The following MYO16 variants were observed in gnomAD, a reference collection of about 807,000 sequenced individuals.
MYO16 encodes myosin XVI, also known as unconventional myosin-XVI.
MYO16 carries 94 observed loss-of-function variants against 205.3 expected under a neutral mutation model. That is an observed-to-expected ratio of 0.46 (90% CI 0.39 to 0.54). The LOEUF (loss-of-function observed/expected upper bound fraction) is 0.54, where lower values mean the gene tolerates loss of function less well. Among genes scored for constraint, MYO16 ranks in the 20% least tolerant of loss-of-function variants. The pLI is 0.00. For synonymous variants in MYO16, 988 were observed against 954.0 expected, an observed-to-expected ratio of 1.04 and a Z score of -0.66; for missense variants, 2,315 against 2,387.5, an observed-to-expected ratio of 0.97 and a Z score of 0.63.
At chr13:109,107,834 TTA>T (rs1397902416) in intron 28 of MYO16, among the ~76,000 whole-genome samples, 2 of 148,448 alleles carry the variant, frequency 1.3e-5, no homozygotes, top group Non-Finnish European at 3.0e-5. Flanking sequence ...TTATATTATA[TTA>T]TATTATATGT....
chr13:109,204,847 C>T (rs925847450), intron 34 of MYO16, among the ~76,000 whole-genome samples: 65 of 152,086 alleles, frequency 4.3e-4, no homozygotes, highest in Admixed American at 5.2e-4. Flanking sequence ...TAAGAGCTGA[C>T]GAGTTAATGC....
At chr13:108,705,196 A>G (rs538190015) in intron 2 of MYO16, among the ~76,000 whole-genome samples, 15 of 152,318 alleles carry the variant, frequency 9.8e-5, no homozygotes, top group African/African-American at 3.6e-4. Context: ...CATCTGGGAC[A>G]TGAATCAACT....
At chr13:108,519,031 C>T in the MYO16 span, among the ~76,000 whole-genome samples, 1 of 152,010 alleles carries the variant, frequency 6.6e-6, no homozygotes, top group Non-Finnish European at 1.5e-5. Context: ...CAACTTTAAG[C>T]ATCTTGGAAT....
At chr13:108,538,807 A>C in the MYO16 span, among the ~76,000 whole-genome samples, 405 of 152,202 alleles carry the variant, frequency 2.7e-3, 2 homozygotes, top group African/African-American at 9.0e-3. Flanking sequence ...AAATTCTCAC[A>C]TGGCACTCTA....
At chr13:108,603,888 G>A (rs1304438051) in intron 1 of MYO16, among the ~76,000 whole-genome samples, 1 of 152,044 alleles carries the variant, frequency 6.6e-6, no homozygotes, top group Non-Finnish European at 1.5e-5. Context: ...TATATTGAGT[G>A]CCTGTATTAG....
chr13:108,653,023 A>G (rs1055589577), intron 1 of MYO16, among the ~76,000 whole-genome samples: 3 of 152,172 alleles, frequency 2.0e-5, no homozygotes, highest in Admixed American at 6.5e-5. Context: ...AAGTGTTACA[A>G]TTTCTCTACA....
intron 9 of MYO16, among the ~76,000 whole-genome samples, chr13:108,826,461 A>C (rs1244898002): frequency 6.6e-6 from 1 of 152,144 alleles, no homozygotes; most frequent in Non-Finnish European, 1.5e-5. Flanking sequence ...TAAAACTATA[A>C]AACTCTCTTT....
At chr13:108,717,809 C>G (rs964619050) in intron 3 of MYO16, among the ~76,000 whole-genome samples, 1 of 151,982 alleles carries the variant, frequency 6.6e-6, no homozygotes, top group African/African-American at 2.4e-5. Flanking sequence ...AAGAAATTTT[C>G]AACAGTGACT....
intron 2 of MYO16, among the ~76,000 whole-genome samples, chr13:108,685,273 G>A (rs772472671): frequency 6.6e-6 from 1 of 151,986 alleles, no homozygotes; most frequent in Non-Finnish European, 1.5e-5. Flanking sequence ...CACCTGCCTC[G>A]GCCTCCCAAA....
chr13:108,498,451 A>G, the MYO16 span, among the ~76,000 whole-genome samples: 1 of 152,182 alleles, frequency 6.6e-6, no homozygotes, highest in Admixed American at 6.6e-5. Context: ...AGGGCTGGCC[A>G]GTGAAACCTA....
rs567504599 is a variant in MYO16 at position 109,048,473 on chromosome 13, T to C, written c.2872+1482T>C. On this transcript the variant is annotated intron_variant, in intron 24 of 34. Coordinates refer to ENST00000457511, the MANE Select transcript of MYO16 (RefSeq NM_001198950.3). ...GACCTTGTGCACCATAAGATCCTTG[T>C]TGCAGTTACTCACCTCTGCTGTTAT... 3 of 543,016 alleles carry C rather than the reference T, an allele frequency of 5.5e-6. No homozygotes were observed. The South Asian group carries it at 9.3e-5, about 17-fold the overall frequency. The allele number at this position is 543,016 out of a possible 1,614,324, so 33.6% of individuals were successfully genotyped here.
chr13:108,498,955 A>G, the MYO16 span, among the ~76,000 whole-genome samples: 1 of 152,162 alleles, frequency 6.6e-6, no homozygotes. Context: ...AGGCAAAATT[A>G]GGGGTTCCTC....
At chr13:109,060,047 A>G (rs902529247) in intron 27 of MYO16, among the ~76,000 whole-genome samples, 25 of 152,296 alleles carry the variant, frequency 1.6e-4, no homozygotes, top group African/African-American at 6.0e-4. Context: ...GGCAGTGTAA[A>G]TTAGTTCAAC....
At chr13:108,585,092 A>G in the MYO16 span, among the ~76,000 whole-genome samples, 3 of 152,280 alleles carry the variant, frequency 2.0e-5, no homozygotes, top group East Asian at 5.8e-4. Context: ...TAACTCTTAG[A>G]TTTTGTTGAC....
intron 23 of MYO16, 88 bp downstream of exon 23, chr13:109,019,999 T>A: frequency 1.5e-6 from 2 of 1,319,186 alleles, no homozygotes; most frequent in South Asian, 2.8e-5. Context: ...TATTTTAAGG[T>A]GTGTTATTTG....
chr13:109,190,014 G>A (rs1377483298), intron 34 of MYO16, among the ~76,000 whole-genome samples: 1 of 151,628 alleles, frequency 6.6e-6, no homozygotes, highest in East Asian at 1.9e-4. Context: ...TTAGACTATA[G>A]TAGGCTTACC....
At chr13:108,715,052 A>G (rs1171160865) in intron 3 of MYO16, among the ~76,000 whole-genome samples, 1 of 152,082 alleles carries the variant, frequency 6.6e-6, no homozygotes, top group African/African-American at 2.4e-5. Flanking sequence ...TCCTTCTCTC[A>G]TAAGTAAAAG....
chr13:109,111,657 T>G (rs1003616296), intron 28 of MYO16, among the ~76,000 whole-genome samples: 7 of 152,132 alleles, frequency 4.6e-5, no homozygotes, highest in African/African-American at 1.7e-4. Flanking sequence ...TAAAATATAA[T>G]CTATGTTAAT....
At chr13:108,934,062 G>GT (rs1882376361) in intron 16 of MYO16, among the ~76,000 whole-genome samples, 1 of 152,156 alleles carries the variant, frequency 6.6e-6, no homozygotes, top group Non-Finnish European at 1.5e-5. Context: ...CAAAGAACAT[G>GT]TGAGTGCATG....
Sources: allele counts gnomAD v4.1 joint callset (sites outside exome capture counted in the v4.1 genomes callset), GRCh38; gene constraint gnomAD v4.1.1; transcripts MANE v1.5; gene names NCBI Gene and HGNC (gene_info 2026-07-23, HGNC 2026-07-21).